The following GCKR variants were observed in gnomAD, a reference collection of about 807,000 sequenced individuals.
The protein encoded by GCKR is glucokinase regulator, also known as glucokinase regulatory protein.
A neutral mutation model predicts 82.9 loss-of-function variants in GCKR; 73 were observed. That is an observed-to-expected ratio of 0.88 (90% confidence interval 0.73 to 1.07). GCKR has a LOEUF of 1.07. Among genes scored for constraint, GCKR ranks in the 50% least tolerant of loss-of-function variants. GCKR has a pLI of 0.00. For missense variants in GCKR, 784 were observed against 782.1 expected, an observed-to-expected ratio of 1.00 and a Z score of -0.03; for synonymous variants, 294 against 291.8, an observed-to-expected ratio of 1.01 and a Z score of -0.08.
rs1196812653 is a variant in GCKR at position 27,522,473 on chromosome 2, A to T, written c.1586A>T (p.Gln529Leu). Reference sequence around the variant, plus strand: ...CTTCTTCCTTAGCGGTTCTCTGGACAGTCCAAGGCTCGATGCATCGAGAGC... The same window carrying T: ...CTTCTTCCTTAGCGGTTCTCTGGACTGTCCAAGGCTCGATGCATCGAGAGC... The part of the protein sequence containing the change: ...ALAMLQRFSG[Q>L]SKARCIESLL... The change falls in exon 18 of 19, where the codon CAG (glutamine) becomes CTG (leucine). Residue 529 changes from glutamine to leucine, a missense_variant. By Grantham distance (113) the Gln-to-Leu change is moderately radical. Transcript: ENST00000264717. 7 of 1,613,954 alleles carry T rather than the reference A, an allele frequency of 4.3e-6. No individual in the cohort carries two copies. The highest frequency in any genetic ancestry group is 3.4e-6 in the Non-Finnish European group (4 of 1,179,880).
At position 27,505,844 on chromosome 2, in the gene GCKR, G is replaced by C; in HGVS notation, c.869+8G>C. 2 of 1,391,050 alleles carry C rather than the reference G, an allele frequency of 1.4e-6. No individual in the cohort carries two copies. The highest frequency in any genetic ancestry group is 4.6e-5 in the East Asian group (2 of 43,866). The allele number at this position is 1,391,050 out of a possible 1,614,324, so 86.2% of individuals were successfully genotyped here. ...CATTGCAGCATCTCAAAGGTAGGGA[G>C]GATCTGGATAAGAGAGAGCTCAGAG... is the stretch of plus-strand genomic sequence containing the variant. On this transcript the variant is annotated splice_region_variant and intron_variant, in intron 10 of 18. Coordinates refer to ENST00000264717, the MANE Select transcript of GCKR (RefSeq NM_001486.4).
At chr2:27,509,907 C>T (rs937248087) in intron 16 of GCKR, 1 of 151,756 alleles carries the variant, frequency 6.6e-6, no homozygotes, top group Non-Finnish European at 1.5e-5. Context: ...GCTTTATGAA[C>T]ATCTTTCTGT....
intron 6 of GCKR, 84 bp downstream of exon 6, chr2:27,499,292 G>A (rs1382549531): frequency 7.4e-7 from 1 of 1,352,696 alleles, no homozygotes; most frequent in African/African-American, 1.4e-5. Context: ...TTCAGCCAAA[G>A]CCTATTTCCT....
At chr2:27,509,595 G>A (rs1457100406) in intron 16 of GCKR, 2 of 418,852 alleles carry the variant, frequency 4.8e-6, no homozygotes, top group Non-Finnish European at 9.9e-6. Context: ...ACCCGCCTTA[G>A]CCTCCCAAAG....
intron 16 of GCKR, among the ~76,000 whole-genome samples, chr2:27,516,298 T>G (rs1265951911): frequency 1.4e-5 from 2 of 140,442 alleles, no homozygotes; most frequent in East Asian, 2.0e-4. Flanking sequence ...TTTTTTTTTT[T>G]TTTTTTTTTT....
chr2:27,507,298 A>G lies in GCKR; in HGVS notation c.1130A>G (p.Glu377Gly), dbSNP rs1222477206. The G allele has an allele frequency of 1.2e-6, 2 of 1,607,474 alleles. No homozygotes were observed. Among genetic ancestry groups the G allele is most frequent in the African/African-American group, 2.7e-5 (2 of 74,764 alleles). ...AGTGACATGTTTAACCAGAAGGCTG[A>G]GCTCACCAACCAGGTCGGAGAAGAA... ...DHSDMFNQKA[E>G]LTNQGPQFTF... The change falls in exon 13 of 19, where the codon GAG becomes GGG. Residue 377 changes from glutamate to glycine, a missense_variant. Transcript: ENST00000264717.
intron 17 of GCKR, among the ~76,000 whole-genome samples, chr2:27,520,180 TC>T (rs1159355520): frequency 1.3e-5 from 2 of 152,070 alleles, no homozygotes; most frequent in African/African-American, 4.8e-5. Context: ...AAGGAATCAA[TC>T]AATGAACATT....
chr2:27,522,936 C>T (rs1670186115), intron 18 of GCKR, among the ~76,000 whole-genome samples: 1 of 150,934 alleles, frequency 6.6e-6, no homozygotes, highest in Non-Finnish European at 1.5e-5. Flanking sequence ...TGCTCTGTCA[C>T]CCAGGCTGCT....
Position 27,501,129 on chromosome 2 carries a change from CAT to C in GCKR, c.550-5_550-4del. On this transcript the variant is annotated splice_polypyrimidine_tract_variant and splice_region_variant and intron_variant, in intron 7 of 18. Coordinates refer to ENST00000264717, the MANE Select transcript of GCKR (RefSeq NM_001486.4). The stretch of plus-strand genomic sequence containing the variant: ...TCATCATGCCCTTCTCTCTCTTCAC[CAT>C]CAGGCTCCCTTTGTGGCAGGCCAGA... 1 of 1,604,460 alleles carries C rather than the reference CAT, an allele frequency of 6.2e-7. No individual in the cohort carries two copies. Among genetic ancestry groups the C allele is most frequent in the Non-Finnish European group, 8.5e-7 (1 of 1,171,088 alleles).
chr2:27,503,525 T>C lies in GCKR; in HGVS notation c.656T>C (p.Ile219Thr), dbSNP rs201036537. The C allele has an allele frequency of 5.9e-5, 93 of 1,583,344 alleles. No homozygotes were observed. The South Asian group carries it at 8.0e-4, about 14-fold the overall frequency. ...NPVSMARNDP[I>T]EDWSSTFRQV... is the part of the protein sequence containing the mutation. ...TCTCTGGACCTCAGAAATGACCCCATTGAAGACTGGAGTTCAACATTCCGA... is the reference window on the plus strand; with the variant it reads ...TCTCTGGACCTCAGAAATGACCCCACTGAAGACTGGAGTTCAACATTCCGA... The change falls in exon 9 of 19, where the codon ATT becomes ACT. Residue 219 changes from isoleucine to threonine, a missense_variant. Transcript: ENST00000264717.
At chr2:27,498,935 A>G in intron 5 of GCKR, 138 bp downstream of exon 5, 2 of 732,806 alleles carry the variant, frequency 2.7e-6, no homozygotes, top group Non-Finnish European at 5.0e-6. Flanking sequence ...CACTTGGCCC[A>G]CTTCACATAC....
intron 16 of GCKR, among the ~76,000 whole-genome samples, chr2:27,515,073 G>A (rs1481705648): frequency 6.6e-6 from 1 of 152,012 alleles, no homozygotes; most frequent in Non-Finnish European, 1.5e-5. Flanking sequence ...TGCCTCCCAG[G>A]TTCAAGCAAT....
At chr2:27,508,141 C>T in intron 15 of GCKR, 27 bp from the exon 16 acceptor site, 1 of 1,592,360 alleles carries the variant, frequency 6.3e-7, no homozygotes, top group South Asian at 1.1e-5. Context: ...GGAGATGCCT[C>T]TCCTGCTCCT....
intron 9 of GCKR, 37 bp downstream of exon 9, chr2:27,503,656 C>T: frequency 9.3e-7 from 1 of 1,070,054 alleles, no homozygotes; most frequent in Non-Finnish European, 1.5e-6. Context: ...TCCACCCCTC[C>T]AACACCTGGG....
In GCKR at chr2:27,518,794, C is replaced by T. The variant is rs1156436050; in HGVS notation, c.1429C>T (p.Gln477Ter). The change falls in exon 17 of 19, where the codon CAG becomes TAG. Residue 477 changes from glutamine (Q) to a stop codon, truncating the protein, a stop_gained. Coordinates refer to ENST00000264717, the MANE Select transcript of GCKR (RefSeq NM_001486.4). LOFTEE classifies it high-confidence loss of function. ...ATGTGTCTGCCCTTTTCAGAAGTTC[C>T]AGCGTGAGCTAAGCACCAAATGGGT... ...EYEGNFIQKFQRELSTKWVLN... is the reference protein window; with the variant it reads ...EYEGNFIQKF 6.2e-7 allele frequency: 1 copy of T among 1,613,484 alleles called. No individual in the cohort carries two copies. Among genetic ancestry groups the T allele is most frequent in the Non-Finnish European group, 8.5e-7 (1 of 1,179,352 alleles).
At chr2:27,513,539 AAAG>A (rs1462375864) in intron 16 of GCKR, among the ~76,000 whole-genome samples, 14 of 151,618 alleles carry the variant, frequency 9.2e-5, no homozygotes, top group Admixed American at 3.3e-4. Flanking sequence ...AAAAAAAAAA[AAAG>A]AAAGAAAGAA....
chr2:27,519,993 C>G (rs8179240), intron 17 of GCKR, among the ~76,000 whole-genome samples: 1 of 151,186 alleles, frequency 6.6e-6, no homozygotes, highest in East Asian at 1.9e-4. Flanking sequence ...AAAATGGGGT[C>G]GCCAGATTCG....
intron 9 of GCKR, among the ~76,000 whole-genome samples, chr2:27,504,414 A>G (rs555946473): frequency 3.4e-4 from 51 of 151,202 alleles, no homozygotes; most frequent in Admixed American, 5.9e-4. Flanking sequence ...CTGGAATGCA[A>G]TGGCCTGATC....
chr2:27,522,476 C>T lies in GCKR; in HGVS notation c.1589C>T (p.Ser530Phe). ...CTTCCTTAGCGGTTCTCTGGACAGTCCAAGGCTCGATGCATCGAGAGCCTC... is the reference window on the plus strand; with the variant it reads ...CTTCCTTAGCGGTTCTCTGGACAGTTCAAGGCTCGATGCATCGAGAGCCTC... Reference protein sequence around the residue: ...LAMLQRFSGQSKARCIESLLR... With the variant: ...LAMLQRFSGQFKARCIESLLR... The change falls in exon 18 of 19, where the codon TCC becomes TTC. Residue 530 changes from serine to phenylalanine, a missense_variant. Transcript: ENST00000264717. The T allele has an allele frequency of 6.2e-7, 1 of 1,613,854 alleles. No homozygotes were observed. Among genetic ancestry groups the T allele is most frequent in the South Asian group, 1.1e-5 (1 of 91,072 alleles).
Sources: allele counts gnomAD v4.1 joint callset (sites outside exome capture counted in the v4.1 genomes callset), GRCh38; gene constraint gnomAD v4.1.1; transcripts MANE v1.5; gene names NCBI Gene and HGNC (gene_info 2026-07-23, HGNC 2026-07-21).